KCNG2: variants seen among roughly 807,000 people sequenced by gnomAD.
KCNG2 encodes the protein voltage-gated potassium channel regulatory subunit KCNG2.
Under a neutral mutation model 12.3 loss-of-function variants are expected in KCNG2, and 7 were observed. That is an observed-to-expected ratio of 0.57 (90% CI 0.32 to 1.07). KCNG2 has a LOEUF of 1.07. Among genes scored for constraint, KCNG2 ranks in the 50% least tolerant of loss-of-function variants. KCNG2 has a pLI of 0.04. For synonymous variants in KCNG2, 414 were observed against 351.4 expected, an observed-to-expected ratio of 1.18 and a Z score of -1.99; for missense variants, 703 against 726.0, an observed-to-expected ratio of 0.97 and a Z score of 0.36.
At chr18:79,867,905 G>A (rs1979672778) in intron 3 of KCNG2, among the ~76,000 whole-genome samples, 2 of 152,134 alleles carry the variant, frequency 1.3e-5, no homozygotes, top group Non-Finnish European at 2.9e-5. Flanking sequence ...GAAGGGCACA[G>A]CAAGAAGCTG....
chr18:79,851,240 T>C (rs1384974494), intron 1 of KCNG2, among the ~76,000 whole-genome samples: 2 of 152,234 alleles, frequency 1.3e-5, no homozygotes, highest in African/African-American at 2.4e-5. Context: ...ATTTTCTTTA[T>C]TAGTATATTT....
chr18:79,798,218 G>A (rs905584715), intron 1 of KCNG2, among the ~76,000 whole-genome samples: 1 of 151,080 alleles, frequency 6.6e-6, no homozygotes, highest in African/African-American at 2.4e-5. Flanking sequence ...GGGCGGGGGC[G>A]GCTCGGGGCC....
chr18:79,853,361 G>A (rs1445429489), intron 1 of KCNG2, among the ~76,000 whole-genome samples: 2 of 152,156 alleles, frequency 1.3e-5, no homozygotes, highest in Non-Finnish European at 2.9e-5. Context: ...CGAGCGTGAG[G>A]GGTCACCATG....
chr18:79,799,736 C>G (rs2087392768), intron 1 of KCNG2, among the ~76,000 whole-genome samples: 1 of 152,244 alleles, frequency 6.6e-6, no homozygotes, highest in Non-Finnish European at 1.5e-5. Context: ...CTGCCACAGG[C>G]AGGAGGCTGC....
chr18:79,807,488 C>T (rs905355148), intron 1 of KCNG2, among the ~76,000 whole-genome samples: 1 of 152,194 alleles, frequency 6.6e-6, no homozygotes, highest in Non-Finnish European at 1.5e-5. Context: ...GTCACCCCAC[C>T]GGGATTTTTA....
intron 1 of KCNG2, among the ~76,000 whole-genome samples, chr18:79,838,022 C>G (rs1978354333): frequency 6.6e-6 from 1 of 152,198 alleles, no homozygotes; most frequent in African/African-American, 2.4e-5. Flanking sequence ...GAAGGAGAAG[C>G]AAGACCTTCT....
At chr18:79,854,620 G>A (rs1978945982) in intron 1 of KCNG2, among the ~76,000 whole-genome samples, 1 of 148,752 alleles carries the variant, frequency 6.7e-6, no homozygotes. Flanking sequence ...TCCACCTCCC[G>A]GGTTCACGCA....
At chr18:79,880,316 CAAAAAAA>C (rs59558361) in intron 3 of KCNG2, among the ~76,000 whole-genome samples, 1 of 101,416 alleles carries the variant, frequency 9.9e-6, no homozygotes, top group Non-Finnish European at 1.9e-5. Context: ...GACTCTGTCT[CAAAAAAA>C]AAAAAAAAAA....
chr18:79,854,486 T>C (rs1319044707), intron 1 of KCNG2, among the ~76,000 whole-genome samples: 2 of 151,470 alleles, frequency 1.3e-5, no homozygotes, highest in Non-Finnish European at 2.9e-5. Context: ...CTGCCTTCCG[T>C]AAGGCTGGTA....
intron 1 of KCNG2, among the ~76,000 whole-genome samples, chr18:79,844,230 C>T (rs1978551093): frequency 6.6e-6 from 1 of 152,048 alleles, no homozygotes; most frequent in Admixed American, 6.6e-5. Context: ...GACACACACA[C>T]AACAAAACAT....
intron 1 of KCNG2, among the ~76,000 whole-genome samples, chr18:79,799,341 C>T (rs1411347229): frequency 1.3e-5 from 2 of 152,082 alleles, no homozygotes; most frequent in Non-Finnish European, 2.9e-5. Context: ...AAGAGGGGAC[C>T]CTCCTCCCCC....
Position 79,864,187 on chromosome 18 carries a change from C to T in KCNG2, c.520C>T (p.Leu174=), listed in dbSNP as rs1979357057. ...CGTGGTGGACAACCCGCACTCGGGG[C>T]TGGCGGGCAAGCTCTTCGCCTGCGT... ...RDVVDNPHSG[L]AGKLFACVSV... Residue 174 remains leucine, a synonymous_variant, in exon 3 of 4, where the codon CTG becomes TTG. Coordinates refer to ENST00000316249, the MANE Select transcript of KCNG2 (RefSeq NM_012283.2). 3 of 1,527,624 alleles carry T rather than the reference C, an allele frequency of 2.0e-6. No homozygotes were observed. The highest frequency in any genetic ancestry group is 3.8e-5 in the Admixed American group (2 of 52,500). The allele number at this position is 1,527,624 out of a possible 1,614,324, so 94.6% of individuals were successfully genotyped here.
intron 1 of KCNG2, among the ~76,000 whole-genome samples, chr18:79,827,640 G>A (rs1328257746): frequency 6.6e-6 from 1 of 152,140 alleles, no homozygotes; most frequent in African/African-American, 2.4e-5. Flanking sequence ...GGGGAGAAGA[G>A]CGGGGACTCA....
At position 79,899,444 on chromosome 18, in the gene KCNG2, C is replaced by T. The variant is rs750749597; in HGVS notation, c.1029C>T (p.Ala343=). Residue 343 remains alanine (A), a synonymous_variant, in exon 4 of 4, where the codon GCC becomes GCT. Coordinates refer to ENST00000316249, the MANE Select transcript of KCNG2 (RefSeq NM_012283.2). ...MALFAPLVHL[A]ERELGARRDF... is the part of the protein sequence containing the mutation. ...TCTTCGCGCCACTGGTGCACCTGGC[C>T]GAGCGCGAGCTGGGCGCGCGCCGCG... The T allele has an allele frequency of 9.4e-6, 15 of 1,596,488 alleles. No individual in the cohort carries two copies. The highest frequency in any genetic ancestry group is 2.2e-5 in the South Asian group (2 of 88,998).
intron 1 of KCNG2, among the ~76,000 whole-genome samples, chr18:79,811,730 T>A (rs1223738730): frequency 6.6e-6 from 1 of 152,124 alleles, no homozygotes; most frequent in East Asian, 1.9e-4. Flanking sequence ...TGTATTTTCC[T>A]GAAACAAATG....
At chr18:79,809,843 G>A (rs544897477) in intron 1 of KCNG2, among the ~76,000 whole-genome samples, 1 of 152,364 alleles carries the variant, frequency 6.6e-6, no homozygotes, top group South Asian at 2.1e-4. Context: ...CCAAATGCCC[G>A]TGGCTGCCCT....
At chr18:79,845,454 C>G (rs1978592133) in intron 1 of KCNG2, among the ~76,000 whole-genome samples, 1 of 152,168 alleles carries the variant, frequency 6.6e-6, no homozygotes, top group African/African-American at 2.4e-5. Flanking sequence ...TCTCTTACAA[C>G]TGCATGTGAA....
At chr18:79,808,985 T>G (rs376240270) in intron 1 of KCNG2, among the ~76,000 whole-genome samples, 38 of 2,098 alleles carry the variant, frequency 0.018, 1 homozygote, top group African/African-American at 0.036. Context: ...TGCCGGGGCC[T>G]CGCTGACCAC....
At chr18:79,830,684 G>T (rs1407356342) in intron 1 of KCNG2, among the ~76,000 whole-genome samples, 8 of 136,516 alleles carry the variant, frequency 5.9e-5, no homozygotes, top group Non-Finnish European at 8.4e-5. Flanking sequence ...TGTCAGGAGG[G>T]TTCCCTGCAG....
Sources: allele counts gnomAD v4.1 joint callset (sites outside exome capture counted in the v4.1 genomes callset), GRCh38; gene constraint gnomAD v4.1.1; transcripts MANE v1.5; gene names NCBI Gene and HGNC (gene_info 2026-07-23, HGNC 2026-07-21).